The following PTCSC3 variants were observed in gnomAD, a reference collection of about 807,000 sequenced individuals.
PTCSC3 encodes the protein papillary thyroid carcinoma susceptibility candidate 3 (non-protein coding).
chr14:36,160,426 T>G (rs540353195), intron 2 of PTCSC3, among the ~76,000 whole-genome samples: 11 of 152,358 alleles, frequency 7.2e-5, no homozygotes, highest in African/African-American at 2.6e-4. Flanking sequence ...GACCTGGTGG[T>G]GACAAAATCT....
At chr14:36,151,087 A>G (rs1881711219) in intron 3 of PTCSC3, among the ~76,000 whole-genome samples, 1 of 152,156 alleles carries the variant, frequency 6.6e-6, no homozygotes, top group Non-Finnish European at 1.5e-5. Context: ...AAATTTCCTC[A>G]GTTTTTGTTT....
chr14:36,155,078 A>G (rs1208363066), intron 2 of PTCSC3, among the ~76,000 whole-genome samples: 1 of 152,122 alleles, frequency 6.6e-6, no homozygotes, highest in African/African-American at 2.4e-5. Flanking sequence ...CCTCAGGAAA[A>G]AGGCACAACT....
At chr14:36,145,865 T>G (rs1881552838) in intron 3 of PTCSC3, among the ~76,000 whole-genome samples, 1 of 149,526 alleles carries the variant, frequency 6.7e-6, no homozygotes, top group South Asian at 2.1e-4. Flanking sequence ...TGTTGTGTCT[T>G]TGTTCTCGTT....
intron 3 of PTCSC3, among the ~76,000 whole-genome samples, chr14:36,147,620 G>A (rs1881607104): frequency 6.6e-6 from 1 of 151,674 alleles, no homozygotes; most frequent in South Asian, 2.1e-4. Flanking sequence ...TCCTCCCGTA[G>A]CTCAGAGTAA....
downstream of PTCSC3, among the ~76,000 whole-genome samples, chr14:36,135,240 G>A (rs1009342190): frequency 3.3e-5 from 5 of 152,140 alleles, no homozygotes; most frequent in African/African-American, 9.7e-5. Context: ...GAGAAAAAAG[G>A]AAGCATATCT....
intron 1 of PTCSC3, among the ~76,000 whole-genome samples, chr14:36,173,390 G>C (rs1882223792): frequency 6.6e-6 from 1 of 152,082 alleles, no homozygotes; most frequent in Non-Finnish European, 1.5e-5. Context: ...TTTGGACAAA[G>C]GAAAAGTAGC....
At chr14:36,145,177 G>A (rs1272399137) in intron 3 of PTCSC3, among the ~76,000 whole-genome samples, 2 of 145,396 alleles carry the variant, frequency 1.4e-5, no homozygotes, top group Non-Finnish European at 1.5e-5. Flanking sequence ...GGCCTCATAA[G>A]ATGAGTTAGG....
At chr14:36,170,565 G>C (rs1882172810) in intron 1 of PTCSC3, among the ~76,000 whole-genome samples, 1 of 152,050 alleles carries the variant, frequency 6.6e-6, no homozygotes, top group South Asian at 2.1e-4. Flanking sequence ...GTGGTGCCTG[G>C]CATGTTGTGT....
intron 1 of PTCSC3, among the ~76,000 whole-genome samples, chr14:36,175,515 A>G (rs1882268250): frequency 6.6e-6 from 1 of 152,222 alleles, no homozygotes; most frequent in Non-Finnish European, 1.5e-5. Flanking sequence ...GTCATAAAAT[A>G]GGTCCCAGCC....
intron 1 of PTCSC3, among the ~76,000 whole-genome samples, chr14:36,174,952 A>G (rs1882256616): frequency 6.6e-6 from 1 of 152,180 alleles, no homozygotes; most frequent in African/African-American, 2.4e-5. Flanking sequence ...CTCAACCTCT[A>G]GAATCTTGGT....
chr14:36,176,671 G>A (rs1008696419), upstream of PTCSC3, among the ~76,000 whole-genome samples: 2 of 152,022 alleles, frequency 1.3e-5, no homozygotes. Context: ...CCTGGCCTCC[G>A]ATATTTCTGC....
chr14:36,169,469 A>C (rs1444876566), intron 1 of PTCSC3, among the ~76,000 whole-genome samples: 1 of 152,156 alleles, frequency 6.6e-6, no homozygotes, highest in Non-Finnish European at 1.5e-5. Context: ...AGAATCTCCC[A>C]AACTGTCTAT....
At chr14:36,136,779 A>G (rs1881297734) in intron 3 of PTCSC3, among the ~76,000 whole-genome samples, 2 of 152,234 alleles carry the variant, frequency 1.3e-5, no homozygotes, top group Admixed American at 1.3e-4. Flanking sequence ...AGGCTTACAG[A>G]AGAGATACAA....
intron 3 of PTCSC3, among the ~76,000 whole-genome samples, chr14:36,145,927 G>T (rs1881555253): frequency 6.6e-6 from 1 of 151,752 alleles, no homozygotes; most frequent in African/African-American, 2.4e-5. Flanking sequence ...GTACCCAGTA[G>T]TCATTCAGGA....
At chr14:36,142,874 T>G (rs955185595) in intron 3 of PTCSC3, among the ~76,000 whole-genome samples, 1 of 147,446 alleles carries the variant, frequency 6.8e-6, no homozygotes, top group Non-Finnish European at 1.5e-5. Context: ...GATTTCATTG[T>G]TCAGTTCCCA....
At chr14:36,148,608 A>G (rs560071846) in intron 3 of PTCSC3, among the ~76,000 whole-genome samples, 1 of 152,352 alleles carries the variant, frequency 6.6e-6, no homozygotes, top group Admixed American at 6.5e-5. Context: ...ATGGAAATGC[A>G]GAAATCACCT....
intron 1 of PTCSC3, among the ~76,000 whole-genome samples, chr14:36,175,781 T>C: frequency 6.6e-6 from 1 of 152,198 alleles, no homozygotes; most frequent in East Asian, 1.9e-4. Flanking sequence ...TAAGAAAACC[T>C]AGTTAGAAAT....
intron 3 of PTCSC3, among the ~76,000 whole-genome samples, chr14:36,148,637 G>T (rs28762456): frequency 1.1e-4 from 17 of 152,122 alleles, no homozygotes; most frequent in Non-Finnish European, 2.1e-4. Flanking sequence ...CCTTGCTCAC[G>T]CTGGTAGCTG....
intron 1 of PTCSC3, chr14:36,164,181 G>A (rs532164476): frequency 1.8e-4 from 28 of 152,076 alleles, no homozygotes; most frequent in Admixed American, 3.9e-4. Context: ...TGAAATATTC[G>A]GGAAACTATG....
Sources: allele counts gnomAD v4.1 joint callset (sites outside exome capture counted in the v4.1 genomes callset), GRCh38; gene constraint gnomAD v4.1.1; transcripts MANE v1.5; gene names NCBI Gene and HGNC (gene_info 2026-07-23, HGNC 2026-07-21).